Variants in CDKN2B-AS1 observed in about 807,000 individuals in gnomAD.
CDKN2B-AS1 encodes the protein CDKN2B and CDKN2A antisense cis and trans regulatory RNA 1, also known as CDKN2B antisense RNA 1 (non-protein coding).
At chr9:22,066,974 C>A (rs1824070587) in intron 4 of CDKN2B-AS1, among the ~76,000 whole-genome samples, 1 of 152,068 alleles carries the variant, frequency 6.6e-6, no homozygotes, top group South Asian at 2.1e-4. Context: ...GACAGAAAAC[C>A]AAACACTGAT....
intron 2 of CDKN2B-AS1, chr9:22,049,093 G>A (rs1170683706): frequency 6.6e-6 from 1 of 152,082 alleles, no homozygotes; most frequent in Non-Finnish European, 1.5e-5. Flanking sequence ...AATACACTAT[G>A]TGGTTCTTCT....
intron 4 of CDKN2B-AS1, among the ~76,000 whole-genome samples, chr9:22,061,101 T>C (rs1823801467): frequency 6.6e-6 from 1 of 152,204 alleles, no homozygotes; most frequent in Non-Finnish European, 1.5e-5. Flanking sequence ...AGCACATTTC[T>C]TTTTCTTGCA....
intron 4 of CDKN2B-AS1, among the ~76,000 whole-genome samples, chr9:22,125,116 C>T (rs1191073441): frequency 6.6e-6 from 1 of 152,196 alleles, no homozygotes; most frequent in African/African-American, 2.4e-5. Context: ...TAACCAAAAC[C>T]ATTTTATCTT....
intron 1 of CDKN2B-AS1, among the ~76,000 whole-genome samples, chr9:22,025,538 G>A (rs1178541882): frequency 6.6e-6 from 1 of 152,096 alleles, no homozygotes; most frequent in Non-Finnish European, 1.5e-5. Flanking sequence ...GAAGAGATGT[G>A]GGAATGGGCA....
chr9:22,029,287 A>C, intron 1 of CDKN2B-AS1: 1 of 604,042 alleles, frequency 1.7e-6, no homozygotes, highest in Non-Finnish European at 3.0e-6. Flanking sequence ...GAGAGAGAGA[A>C]AGCTATTACC....
chr9:22,097,724 A>G (rs985294562), intron 4 of CDKN2B-AS1, among the ~76,000 whole-genome samples: 2 of 152,214 alleles, frequency 1.3e-5, no homozygotes, highest in African/African-American at 4.8e-5. Context: ...TGTGATAAAA[A>G]GCAGGTAGCA....
intron 4 of CDKN2B-AS1, among the ~76,000 whole-genome samples, chr9:22,064,202 A>C (rs1451359471): frequency 2.0e-5 from 3 of 152,154 alleles, no homozygotes; most frequent in Non-Finnish European, 4.4e-5. Context: ...TGTGTCTTGA[A>C]GAATGTGATC....
chr9:22,108,882 C>T (rs1482847033), intron 4 of CDKN2B-AS1, among the ~76,000 whole-genome samples: 1 of 152,078 alleles, frequency 6.6e-6, no homozygotes, highest in African/African-American at 2.4e-5. Context: ...AGCCGTTTTG[C>T]TTGTTACAAA....
chr9:22,121,930 C>T, intron 4 of CDKN2B-AS1, among the ~76,000 whole-genome samples: 1 of 152,086 alleles, frequency 6.6e-6, no homozygotes, highest in East Asian at 1.9e-4. Context: ...ATTGCTCAAT[C>T]ATACCATAGT....
chr9:22,097,152 C>G (rs1313615545), intron 4 of CDKN2B-AS1: 1 of 152,218 alleles, frequency 6.6e-6, no homozygotes, highest in Non-Finnish European at 1.5e-5. Context: ...GTGCGCGTGA[C>G]AAATTGGGTC....
intron 4 of CDKN2B-AS1, among the ~76,000 whole-genome samples, chr9:22,093,708 G>A (rs1229008391): frequency 1.4e-5 from 2 of 143,484 alleles, no homozygotes; most frequent in Non-Finnish European, 3.0e-5. Context: ...GAGCCTATGT[G>A]TGTTTCTGCA....
chr9:22,008,980 C>G (rs1821348025), intron 1 of CDKN2B-AS1: 3 of 1,613,328 alleles, frequency 1.9e-6, no homozygotes, highest in Non-Finnish European at 2.5e-6. Flanking sequence ...GCGCAGCGGC[C>G]CGGATAATCC....
chr9:22,075,291 C>T (rs73448349), intron 4 of CDKN2B-AS1, among the ~76,000 whole-genome samples: 1,902 of 152,220 alleles, frequency 0.012, 42 homozygotes, highest in African/African-American at 0.044. Flanking sequence ...TGTTGGCCTT[C>T]ACCTTAAGAA....
At chr9:22,044,090 G>T (rs1375399433) in intron 1 of CDKN2B-AS1, among the ~76,000 whole-genome samples, 1 of 151,970 alleles carries the variant, frequency 6.6e-6, no homozygotes, top group Non-Finnish European at 1.5e-5. Flanking sequence ...AAAAGGGCAG[G>T]AAAGAAGGAA....
chr9:22,070,887 G>T (rs757699602), intron 4 of CDKN2B-AS1, among the ~76,000 whole-genome samples: 8 of 152,102 alleles, frequency 5.3e-5, no homozygotes, highest in Non-Finnish European at 8.8e-5. Context: ...TATTGATTTT[G>T]CCTGACCCAG....
rs1397916591 is a variant in CDKN2B-AS1 at position 21,999,477 on chromosome 9, T to G, written n.29+4316T>G. 6.6e-6 allele frequency among the ~76,000 whole-genome samples: 1 copy of G among 151,990 alleles called. No homozygotes were observed. Among genetic ancestry groups the G allele is most frequent in the African/African-American group, 2.4e-5 (1 of 41,402 alleles). On this transcript the variant is annotated intron_variant and non_coding_transcript_variant, in intron 1 of 4. Coordinates refer to ENST00000650946, the Ensembl canonical transcript of CDKN2B-AS1. This position sits in a 1 kb window ranked among gnomAD's most constrained non-coding sequence, Gnocchi z 4.7. ...ACATATCTGTAAGTATGGGAAGATG[T>G]ATACACATGTACACATATATATACA...
intron 3 of CDKN2B-AS1, among the ~76,000 whole-genome samples, chr9:22,053,975 C>G (rs1410612748): frequency 2.6e-5 from 4 of 151,814 alleles, no homozygotes; most frequent in Non-Finnish European, 5.9e-5. Flanking sequence ...AAAAAGTTAA[C>G]TCATAACTAA....
chr9:22,098,410 T>C (rs1452028563), intron 4 of CDKN2B-AS1, among the ~76,000 whole-genome samples: 1 of 149,648 alleles, frequency 6.7e-6, no homozygotes, highest in Non-Finnish European at 1.5e-5. Flanking sequence ...GGAAATGCCA[T>C]GGGCAAGAAT....
chr9:22,119,243 A>C (rs1007005941), intron 4 of CDKN2B-AS1: 1 of 152,132 alleles, frequency 6.6e-6, no homozygotes, highest in South Asian at 2.1e-4. Context: ...GATAACACAG[A>C]TATATCTTAA....
Sources: allele counts gnomAD v4.1 joint callset (sites outside exome capture counted in the v4.1 genomes callset), GRCh38; gene constraint gnomAD v4.1.1; non-coding constraint Gnocchi (gnomAD v3.1); transcripts MANE v1.5; gene names NCBI Gene and HGNC (gene_info 2026-07-23, HGNC 2026-07-21).